The following MDN1 variants were observed in gnomAD, a reference collection of about 807,000 sequenced individuals.
The protein encoded by MDN1 is midasin AAA ATPase 1.
MDN1 carries 266 observed loss-of-function variants against 669.2 expected under a neutral mutation model. The ratio of observed to expected loss-of-function variants is 0.40; its 90% CI spans 0.36 to 0.44. The LOEUF is 0.44. MDN1 is among the 20% of genes least tolerant of loss of function. The probability of loss-of-function intolerance (pLI) is 1.00; values close to 1 mark genes in which losing one functional copy is unlikely to be tolerated. For missense variants in MDN1, 5,940 were observed against 6,754.0 expected (o/e 0.88, Z 4.22); for synonymous variants, 2,385 against 2,457.1 (o/e 0.97, Z 0.87).
intron 29 of MDN1, among the ~76,000 whole-genome samples, chr6:89,744,448 G>A (rs1021753378): frequency 2.0e-5 from 3 of 150,258 alleles, no homozygotes; most frequent in African/African-American, 4.8e-5. Flanking sequence ...TGTTGCCTAG[G>A]CTGGAGTGCA....
chr6:89,819,592 G>A lies in MDN1; in HGVS notation c.16C>T (p.Leu6=), dbSNP rs1288673254. ...CGCAGCGGCGCGGCTGCCACCTCCA[G>A]CAAGAAGTGCTCCATGACCCAGGGC... MEHFL[L]EVAAAPLRLI... Residue 6 remains leucine, a synonymous_variant, in exon 1 of 102, where the codon CTG becomes TTG. Transcript: ENST00000369393. The A allele has an allele frequency of 2.5e-6, 4 of 1,601,664 alleles. No homozygotes were observed. In the African/African-American group the frequency reaches 4.0e-5, roughly 16 times the overall value.
intron 1 of MDN1, among the ~76,000 whole-genome samples, chr6:89,817,079 T>C (rs1768889114): frequency 6.6e-6 from 1 of 152,160 alleles, no homozygotes; most frequent in Admixed American, 6.6e-5. Context: ...CACCTGTGAC[T>C]TGGAAGACCG....
At chr6:89,716,574 T>C in intron 44 of MDN1, 76 bp downstream of exon 44, 2 of 1,495,268 alleles carry the variant, frequency 1.3e-6, no homozygotes, top group Non-Finnish European at 1.8e-6. Context: ...ATACCAGCAC[T>C]TCTATCTGGG....
intron 11 of MDN1, 116 bp from the exon 12 acceptor site, chr6:89,776,811 C>A: frequency 1.4e-6 from 1 of 736,106 alleles, no homozygotes. Flanking sequence ...GAACATTTCT[C>A]TAAAAATGAA....
intron 31 of MDN1, among the ~76,000 whole-genome samples, chr6:89,742,799 T>C (rs1288202909): frequency 6.6e-6 from 1 of 152,158 alleles, no homozygotes; most frequent in Non-Finnish European, 1.5e-5. Flanking sequence ...TGACTTTGGC[T>C]CATGTTTTAG....
At chr6:89,647,904 G>A in intron 99 of MDN1, 128 bp downstream of exon 99, 1 of 710,554 alleles carries the variant, frequency 1.4e-6, no homozygotes, top group Non-Finnish European at 2.4e-6. Context: ...AGTGAGCTAT[G>A]ATGGCGCCAT....
chr6:89,712,642 G>C lies in MDN1; in HGVS notation c.7363C>G (p.Arg2455Gly). 2 of 1,614,052 alleles carry C rather than the reference G, an allele frequency of 1.2e-6. No homozygotes were observed. Among genetic ancestry groups the C allele is most frequent in the South Asian group, 1.1e-5 (1 of 91,082 alleles). ...ATEDSHLSTV[R>G]RDGQILVYCL... is the part of the protein sequence containing the mutation. ...TATACTAAGATCTGTCCATCTCTTCGGACTGTAGACAGGTGTGAATCTTCA... is the reference window on the plus strand; with the variant it reads ...TATACTAAGATCTGTCCATCTCTTCCGACTGTAGACAGGTGTGAATCTTCA... The change falls in exon 48 of 102, where the codon CGA becomes GGA. Residue 2455 changes from arginine to glycine, a missense_variant. Arg to Gly is a moderately radical substitution (Grantham distance 125). Around this residue, in one of 5 missense-constraint regions of MDN1, gnomAD observed 2,292 missense variants for 2,638.3 expected, o/e 0.87. Transcript: ENST00000369393.
At chr6:89,660,489 G>GTT (rs1280245572) in intron 88 of MDN1, among the ~76,000 whole-genome samples, 1 of 148,890 alleles carries the variant, frequency 6.7e-6, no homozygotes, top group South Asian at 2.1e-4. Flanking sequence ...CAGCCTACTG[G>GTT]GTTTTTTTTT....
At position 89,724,641 on chromosome 6, in the gene MDN1, A is replaced by G. The variant is rs772633559; in HGVS notation, c.5670+558T>C. 4.6e-5 allele frequency among the ~76,000 whole-genome samples: 7 copies of G among 152,352 alleles called. No individual in the cohort carries two copies. In the South Asian group the frequency reaches 6.2e-4, roughly 14 times the overall value. The stretch of plus-strand genomic sequence containing the variant: ...CTTAATCATAAGAGACAGTGACACT[A>G]AAGAAATCTAGAGACATTTCCAAAC... On this transcript the variant is annotated intron_variant, in intron 38 of 101. Transcript: ENST00000369393.
At chr6:89,766,680 C>T (rs1042893866) in intron 15 of MDN1, among the ~76,000 whole-genome samples, 6 of 152,016 alleles carry the variant, frequency 3.9e-5, no homozygotes, top group African/African-American at 1.4e-4. Flanking sequence ...AATGGCTACA[C>T]AAAATTATAA....
intron 83 of MDN1, 34 bp from the exon 84 acceptor site, chr6:89,668,185 G>A: frequency 1.9e-6 from 3 of 1,608,198 alleles, no homozygotes; most frequent in Non-Finnish European, 2.5e-6. Flanking sequence ...GAACAATTAG[G>A]CACAAAAGCA....
rs181552137 is a variant in MDN1, at chr6:89,782,157, G to A, written c.1450-565C>T. Among the ~76,000 whole-genome samples the A allele has an allele frequency of 5.3e-5, 8 of 152,082 alleles. No individual in the cohort carries two copies. The South Asian group carries it at 6.2e-4, about 12-fold the overall frequency. ...TCACCATCTACAATACAGTTTCAGC[G>A]GTAGAAGTCATGTTAAAAGGTTCTC... On this transcript the variant is annotated intron_variant, in intron 9 of 101. Coordinates refer to ENST00000369393, the MANE Select transcript of MDN1 (RefSeq NM_014611.3).
intron 11 of MDN1, among the ~76,000 whole-genome samples, chr6:89,779,222 A>G (rs751229955): frequency 1.3e-5 from 2 of 152,214 alleles, no homozygotes; most frequent in Admixed American, 6.5e-5. Flanking sequence ...CAGTAGAAAT[A>G]TATTTTAGAG....
intron 2 of MDN1, among the ~76,000 whole-genome samples, chr6:89,796,449 C>G (rs1409916239): frequency 6.7e-6 from 1 of 149,886 alleles, no homozygotes; most frequent in Non-Finnish European, 1.5e-5. Flanking sequence ...TAATCAAAAA[C>G]CTCCTACCAA....
intron 26 of MDN1, among the ~76,000 whole-genome samples, 161 bp from the exon 27 acceptor site, chr6:89,747,631 C>A (rs1033741431): frequency 6.6e-6 from 1 of 152,170 alleles, no homozygotes; most frequent in Non-Finnish European, 1.5e-5. Flanking sequence ...GTGGCTCAAG[C>A]CTGTAATCCC....
rs1254001202 is a variant in MDN1 at position 89,643,421 on chromosome 6, G to A, written c.*584C>T. 2 of 152,136 alleles carry A rather than the reference G, an allele frequency of 1.3e-5. No individual in the cohort carries two copies. Among genetic ancestry groups the A allele is most frequent in the Non-Finnish European group, 2.9e-5 (2 of 68,046 alleles). 9.4% of individuals were successfully genotyped at this position (152,136 alleles called of 1,614,324 possible). The stretch of plus-strand genomic sequence containing the variant: ...ATGACCTGGGCACCTATAATGTCCA[G>A]TTGCTTTATGAGAACACACACACAC... On this transcript the variant is annotated 3_prime_UTR_variant, in exon 102 of 102. Transcript: ENST00000369393.
intron 3 of MDN1, 55 bp downstream of exon 3, chr6:89,794,522 C>T: frequency 6.6e-7 from 1 of 1,512,064 alleles, no homozygotes; most frequent in Non-Finnish European, 9.2e-7. Flanking sequence ...CAACTCCACA[C>T]ATGCCCTGTA....
intron 69 of MDN1, among the ~76,000 whole-genome samples, chr6:89,686,363 T>C (rs1054481175): frequency 6.6e-6 from 1 of 151,944 alleles, no homozygotes; most frequent in African/African-American, 2.4e-5. Context: ...AGGCGGAGAT[T>C]GCAGGGAGCT....
Position 89,730,888 on chromosome 6 carries a change from C to T in MDN1, c.4978G>A (p.Ala1660Thr). 6.2e-7 allele frequency: 1 copy of T among 1,613,982 alleles called. No homozygotes were observed. The highest frequency in any genetic ancestry group is 8.5e-7 in the Non-Finnish European group (1 of 1,179,968). Reference sequence around the variant, plus strand: ...AGAAATTTCAGACATTCTTTTCGTGCCAAAAGGGCTGTACCAAACCCAGAG... The same window carrying T: ...AGAAATTTCAGACATTCTTTTCGTGTCAAAAGGGCTGTACCAAACCCAGAG... ...TSSGFGTALL[A>T]RKECLKFLIK... Residue 1660 changes from alanine (A) to threonine (T), a missense_variant, in exon 35 of 102, where the codon GCA (alanine) becomes ACA (threonine). Physicochemically the swap from Ala to Thr is moderately conservative, Grantham distance 58. Around this residue, in one of 5 missense-constraint regions of MDN1, gnomAD observed 2,292 missense variants for 2,638.3 expected, o/e 0.87. Coordinates refer to ENST00000369393, the MANE Select transcript of MDN1 (RefSeq NM_014611.3).
Sources: allele counts gnomAD v4.1 joint callset (sites outside exome capture counted in the v4.1 genomes callset), GRCh38; gene constraint gnomAD v4.1.1; regional missense constraint gnomAD v4.1.1; transcripts MANE v1.5; gene names NCBI Gene and HGNC (gene_info 2026-07-23, HGNC 2026-07-21).